BRI3: variants seen among roughly 807,000 people sequenced by gnomAD.
The protein encoded by BRI3 is membrane protein BRI3.
A neutral mutation model predicts 12.8 loss-of-function variants in BRI3; 6 were observed. The ratio of observed to expected loss-of-function variants is 0.47; its 90% CI spans 0.26 to 0.93. The LOEUF is 0.93. Among genes scored for constraint, BRI3 ranks in the 40% least tolerant of loss-of-function variants. BRI3 has a pLI of 0.15. For synonymous variants in BRI3, 91 were observed against 76.1 expected (o/e 1.20, Z -1.02); for missense variants, 134 against 171.1 (o/e 0.78, Z 1.21).
downstream of BRI3, among the ~76,000 whole-genome samples, chr7:98,296,667 C>A (rs546721336): frequency 6.6e-6 from 1 of 152,256 alleles, no homozygotes; most frequent in East Asian, 1.9e-4. Context: ...AAAACAGAAA[C>A]AACAAAAACA....
the BRI3 span, chr7:98,315,625 A>AG: frequency 8.8e-7 from 1 of 1,130,960 alleles, no homozygotes; most frequent in East Asian, 3.1e-5. Context: ...AAAAAAAAAA[A>AG]AATAATAATA....
chr7:98,311,673 C>T (rs890397195), downstream of BRI3, among the ~76,000 whole-genome samples: 5 of 151,930 alleles, frequency 3.3e-5, 1 homozygote. Context: ...TTTGGGAGGC[C>T]GAGGCAGACA....
At chr7:98,293,407 A>T, downstream of BRI3, 1 of 938,258 alleles carries the variant, frequency 1.1e-6, no homozygotes, top group Non-Finnish European at 1.7e-6. Flanking sequence ...AGGCGACATT[A>T]GAGTTAGGCC....
exon 2 of BRI3, chr7:98,309,177 G>A (rs1157394161): frequency 6.6e-6 from 1 of 152,328 alleles, no homozygotes; most frequent in East Asian, 1.9e-4. Flanking sequence ...TTGAGACAGA[G>A]TCTCGCTCTG....
exon 2 of BRI3, chr7:98,307,601 C>T (rs1800705636): frequency 1.3e-6 from 2 of 1,557,980 alleles, no homozygotes; most frequent in African/African-American, 1.4e-5. Context: ...AAAATGTGAG[C>T]ATGTCCACGA....
At chr7:98,302,219 G>A (rs917343459), upstream of BRI3, among the ~76,000 whole-genome samples, 1 of 152,112 alleles carries the variant, frequency 6.6e-6, no homozygotes, top group Non-Finnish European at 1.5e-5. Context: ...GAATGGCGGC[G>A]ACAGTACTTT....
downstream of BRI3, chr7:98,292,996 C>T (rs1800034026): frequency 8.7e-7 from 1 of 1,149,550 alleles, no homozygotes; most frequent in African/African-American, 1.6e-5. Context: ...AAGCTCTACA[C>T]TTAAACATTT....
At chr7:98,287,882 C>T (rs1799764071) in intron 2 of BRI3, among the ~76,000 whole-genome samples, 2 of 152,220 alleles carry the variant, frequency 1.3e-5, no homozygotes, top group Non-Finnish European at 2.9e-5. Context: ...TCCCCACCCA[C>T]ACCCCTTTGC....
chr7:98,310,293 C>CA, exon 2 of BRI3: 1 of 730,602 alleles, frequency 1.4e-6, no homozygotes, highest in Non-Finnish European at 2.2e-6. Context: ...CTTCTGAACT[C>CA]ACGCTCTGCA....
chr7:98,318,193 C>T, the BRI3 span, among the ~76,000 whole-genome samples: 2 of 152,280 alleles, frequency 1.3e-5, no homozygotes, highest in Non-Finnish European at 2.9e-5. Flanking sequence ...AAATGAGGAG[C>T]CCCCGACCAG....
Position 98,281,732 on chromosome 7 carries a change from CG to C in BRI3, c.-63del. 1.2e-6 allele frequency: 1 copy of C among 855,748 alleles called. No individual in the cohort carries two copies. Among genetic ancestry groups the C allele is most frequent in the Non-Finnish European group, 1.4e-6 (1 of 714,138 alleles). 53.0% of individuals were successfully genotyped at this position (855,748 alleles called of 1,614,324 possible). On this transcript the variant is annotated 5_prime_UTR_variant, in exon 1 of 3. Transcript: ENST00000297290. ...TCCGCCGCGTCCCCGCCGCCGCCGC[CG>C]CGTCCCCCGCCGGGGCCGACCGAGC...
chr7:98,286,491 G>A (rs926004877), intron 2 of BRI3, among the ~76,000 whole-genome samples: 4 of 152,310 alleles, frequency 2.6e-5, no homozygotes, highest in Admixed American at 6.5e-5. Flanking sequence ...AGAGAGAGCC[G>A]GTCAGGACCA....
the BRI3 span, chr7:98,320,256 T>C: frequency 6.2e-7 from 1 of 1,609,972 alleles, no homozygotes; most frequent in Non-Finnish European, 8.5e-7. Context: ...AAGACTCTCG[T>C]TGAGTTTCTT....
chr7:98,282,039 C>T lies in BRI3; in HGVS notation c.142+102C>T, dbSNP rs1799534952. ...GGGTGGGGCCCGCCCGGGGGTCCTTCCTGGAGCTGGAGGTCCCCGGGCTGG... is the reference window on the plus strand; with the variant it reads ...GGGTGGGGCCCGCCCGGGGGTCCTTTCTGGAGCTGGAGGTCCCCGGGCTGG... On this transcript the variant is annotated intron_variant, in intron 1 of 2. Coordinates refer to ENST00000297290, the MANE Select transcript of BRI3 (RefSeq NM_015379.5). The T allele has an allele frequency of 8.4e-6, 11 of 1,308,090 alleles. No individual in the cohort carries two copies. In the South Asian group the frequency reaches 2.4e-4, roughly 28 times the overall value. 81.0% of individuals were successfully genotyped at this position (1,308,090 alleles called of 1,614,324 possible).
At chr7:98,289,636 C>T (rs1369115778) in intron 2 of BRI3, among the ~76,000 whole-genome samples, 1 of 152,182 alleles carries the variant, frequency 6.6e-6, no homozygotes, top group Non-Finnish European at 1.5e-5. Flanking sequence ...TCCACTCACT[C>T]CAGCACTGGC....
chr7:98,298,213 C>G (rs1031049291), intron 1 of BRI3, among the ~76,000 whole-genome samples: 2 of 152,224 alleles, frequency 1.3e-5, no homozygotes, highest in Non-Finnish European at 1.5e-5. Context: ...TGGGGCTTCC[C>G]AGGTGAGTGG....
At chr7:98,299,675 G>A (rs1380013000) in intron 1 of BRI3, among the ~76,000 whole-genome samples, 1 of 152,190 alleles carries the variant, frequency 6.6e-6, no homozygotes, top group Non-Finnish European at 1.5e-5. Context: ...TTTTTAAATG[G>A]AACACTGTAC....
the BRI3 span, among the ~76,000 whole-genome samples, chr7:98,322,695 T>C: frequency 2.6e-5 from 4 of 152,156 alleles, no homozygotes; most frequent in Non-Finnish European, 5.9e-5. Flanking sequence ...CCACGTGGGC[T>C]TTCGAGGAGG....
At chr7:98,314,012 G>A (rs1204367827), downstream of BRI3, among the ~76,000 whole-genome samples, 1 of 124,572 alleles carries the variant, frequency 8.0e-6, no homozygotes, top group Non-Finnish European at 1.6e-5. Flanking sequence ...TTGAGACAGA[G>A]TCTTGCTCTG....
Sources: gnomAD v4.1 joint callset for allele counts (sites outside exome capture counted in the v4.1 genomes callset) on GRCh38, gnomAD v4.1.1 for gene constraint, MANE v1.5 for transcripts, NCBI Gene and HGNC (gene_info 2026-07-23, HGNC 2026-07-21) for gene names.